The following MELTF variants were observed in gnomAD, a reference collection of about 807,000 sequenced individuals.
The protein encoded by MELTF is melanotransferrin.
A neutral mutation model predicts 83.7 loss-of-function variants in MELTF; 67 were observed. The observed-to-expected ratio is 0.80, with a 90% CI of 0.66 to 0.98. MELTF has a LOEUF of 0.98. Ranked by LOEUF, MELTF falls within the 50% of genes least tolerant of loss-of-function variation. The pLI is 0.00. For synonymous variants in MELTF, 462 were observed against 447.6 expected, an observed-to-expected ratio of 1.03 and a Z score of -0.41; for missense variants, 1,002 against 1,035.6, an observed-to-expected ratio of 0.97 and a Z score of 0.44.
chr3:197,003,529 G>T lies in MELTF; in HGVS notation c.2138-78C>A. The T allele has an allele frequency of 1.7e-6, 1 of 582,500 alleles. No homozygotes were observed. The highest frequency in any genetic ancestry group is 2.4e-6 in the Non-Finnish European group (1 of 423,270). 36.1% of individuals were successfully genotyped at this position (582,500 alleles called of 1,614,324 possible). A position where few individuals can be genotyped will look rare whatever the true frequency, so the allele number is the denominator to read the frequency against. On this transcript the variant is annotated intron_variant, in intron 15 of 15. Coordinates refer to ENST00000296350, the MANE Select transcript of MELTF (RefSeq NM_005929.6). This position sits in a 1 kb window ranked among gnomAD's most constrained non-coding sequence, Gnocchi z 6.2. Reference sequence around the variant, plus strand: ...CTCAGGCGCCCGCTCTGGGGTGGGGGTGGGGGCATCTTTCGGGACCGAACT... The same window carrying T: ...CTCAGGCGCCCGCTCTGGGGTGGGGTTGGGGGCATCTTTCGGGACCGAACT...
chr3:197,003,294 T>A lies in MELTF; in HGVS notation c.*78A>T. 1 of 1,036,250 alleles carries A rather than the reference T, an allele frequency of 9.7e-7. No individual in the cohort carries two copies. Among genetic ancestry groups the A allele is most frequent in the South Asian group, 4.5e-5 (1 of 22,300 alleles). The allele number at this position is 1,036,250 out of a possible 1,614,324, so 64.2% of individuals were successfully genotyped here. Reference sequence around the variant, plus strand: ...ACGCCGGGCCCGGCCTTCGCGAGCTTCCTTCTGGATTCCAGCGCGAAGCCG... The same window carrying A: ...ACGCCGGGCCCGGCCTTCGCGAGCTACCTTCTGGATTCCAGCGCGAAGCCG... On this transcript the variant is annotated 3_prime_UTR_variant, in exon 16 of 16. Coordinates refer to ENST00000296350, the MANE Select transcript of MELTF (RefSeq NM_005929.6). This position sits in a 1 kb window ranked among gnomAD's most constrained non-coding sequence, Gnocchi z 6.2.
chr3:197,013,100 C>G (rs571569669), intron 9 of MELTF, among the ~76,000 whole-genome samples: 2 of 152,264 alleles, frequency 1.3e-5, no homozygotes, highest in African/African-American at 4.8e-5. Flanking sequence ...TTGTATGGAA[C>G]CACAAGGGAC....
At chr3:197,010,821 G>T in intron 9 of MELTF, 27 bp from the exon 10 acceptor site, 1 of 1,605,358 alleles carries the variant, frequency 6.2e-7, no homozygotes, top group Non-Finnish European at 8.5e-7. Context: ...AAGCCACTGG[G>T]CCGGGGTGGG....
At position 197,006,439 on chromosome 3, in the gene MELTF, G is replaced by T. The variant is rs953177296; in HGVS notation, c.1938+110C>A. On this transcript the variant is annotated intron_variant, in intron 14 of 15. Transcript: ENST00000296350. The surrounding 1 kb of genome is among the most constrained non-coding windows in gnomAD (Gnocchi z 5.4). ...AAGTGAAAATCACAGAATTTCCCCC[G>T]GGCTTCCTCAATTTCTCTAGAGGTC... The T allele has an allele frequency of 1.1e-6, 1 of 935,494 alleles. No individual in the cohort carries two copies. Among genetic ancestry groups the T allele is most frequent in the Non-Finnish European group, 1.5e-6 (1 of 655,888 alleles). The allele number at this position is 935,494 out of a possible 1,614,324, so 57.9% of individuals were successfully genotyped here.
chr3:197,023,176 A>ACCCTGG, intron 4 of MELTF, 63 bp from the exon 5 acceptor site: 1 of 1,523,128 alleles, frequency 6.6e-7, no homozygotes, highest in Non-Finnish European at 9.1e-7. Context: ...CCAAGCCCCC[A>ACCCTGG]GGGTCAGCAG....
Position 197,009,802 on chromosome 3 carries a change from G to A in MELTF, c.1341C>T (p.Ser447=). ...CGGCCACCACGTAGTACGAGTTGCT[G>A]CTGTCTTCCGCTGGGGAGAGAGGGA... ...AAGEHYAPED[S]SNSYYVVAVV... Residue 447 remains serine (S), a synonymous_variant, in exon 11 of 16, where the codon AGC becomes AGT. Transcript: ENST00000296350. 1 of 1,609,616 alleles carries A rather than the reference G, an allele frequency of 6.2e-7. No homozygotes were observed. Among genetic ancestry groups the A allele is most frequent in the Non-Finnish European group, 8.5e-7 (1 of 1,176,932 alleles).
At chr3:197,019,794 T>C in intron 6 of MELTF, 2 of 1,574,118 alleles carry the variant, frequency 1.3e-6, no homozygotes, top group Non-Finnish European at 1.7e-6. Context: ...GCCTTCGTGA[T>C]GGACTTTCTG....
chr3:197,023,124 G>A lies in MELTF; in HGVS notation c.488-11C>T, dbSNP rs1719697574. ...AATAGTCGCTGACAGCTGTGGGAAG[G>A]AGGTAGAGAGGTCACTCAGCAGAAC... On this transcript the variant is annotated splice_polypyrimidine_tract_variant and intron_variant, in intron 4 of 15. Transcript: ENST00000296350. 4 of 1,613,132 alleles carry A rather than the reference G, an allele frequency of 2.5e-6. No homozygotes were observed. Among genetic ancestry groups the A allele is most frequent in the Non-Finnish European group, 3.4e-6 (4 of 1,179,914 alleles).
chr3:197,003,433 G>A lies in MELTF; in HGVS notation c.2156C>T (p.Ala719Val), dbSNP rs1718835510. The A allele has an allele frequency of 9.1e-7, 1 of 1,102,636 alleles. No homozygotes were observed. Among genetic ancestry groups the A allele is most frequent in the Non-Finnish European group, 1.1e-6 (1 of 908,008 alleles). 68.3% of individuals were successfully genotyped at this position (1,102,636 alleles called of 1,614,324 possible). ...CSGAAAPAPG[A>V]PLLPLLLPAL... ...GGGCAGCAGCAGCGGGAGCAGGGGC[G>A]CCCCGGGCGCCGGGGCCGCTGGGGA... The change falls in exon 16 of 16, where the codon GCG becomes GTG. Residue 719 changes from alanine (A) to valine (V), a missense_variant. Transcript: ENST00000296350. The surrounding 1 kb of genome is among the most constrained non-coding windows in gnomAD (Gnocchi z 6.2).
intron 9 of MELTF, among the ~76,000 whole-genome samples, chr3:197,014,698 T>G (rs558272296): frequency 3.9e-5 from 6 of 152,108 alleles, no homozygotes; most frequent in East Asian, 1.9e-4. Flanking sequence ...CCAGGAGAGA[T>G]AGGAGGAATA....
Position 197,022,994 on chromosome 3 carries a change from G to A in MELTF, c.607C>T (p.Pro203Ser), listed in dbSNP as rs758020658. 1.2e-6 allele frequency: 2 copies of A among 1,613,416 alleles called. No individual in the cohort carries two copies. Among genetic ancestry groups the A allele is most frequent in the South Asian group, 1.1e-5 (1 of 91,060 alleles). Reference sequence around the variant, plus strand: ...CTGTAGTCGTAGTATCTCTCCAGGGGGCTCTTGTCACACACCCCTTCCCCA... The same window carrying A: ...CTGTAGTCGTAGTATCTCTCCAGGGAGCTCTTGTCACACACCCCTTCCCCA... ...SSGEGVCDKSPLERYYDYSGA... is the reference protein window; with the variant it reads ...SSGEGVCDKSSLERYYDYSGA... Residue 203 changes from proline (P) to serine (S), a missense_variant, in exon 5 of 16, where the codon CCC becomes TCC. Pro to Ser is a moderately conservative substitution (Grantham distance 74). Coordinates refer to ENST00000296350, the MANE Select transcript of MELTF (RefSeq NM_005929.6). The surrounding 1 kb of genome is among the most constrained non-coding windows in gnomAD (Gnocchi z 5.1).
rs972583388 is a variant in MELTF at position 197,024,960 on chromosome 3, G to A, written c.305-475C>T. 6.6e-6 allele frequency among the ~76,000 whole-genome samples: 1 copy of A among 152,192 alleles called. No homozygotes were observed. Among genetic ancestry groups the A allele is most frequent in the African/African-American group, 2.4e-5 (1 of 41,452 alleles). On this transcript the variant is annotated intron_variant, in intron 3 of 15. Coordinates refer to ENST00000296350, the MANE Select transcript of MELTF (RefSeq NM_005929.6). This position sits in a 1 kb window ranked among gnomAD's most constrained non-coding sequence, Gnocchi z 5.3. ...GGGGCTTCCCCAGATGAGGAGCGGCGATTTCCTGGTGCTGAGGGGGTTGAA... is the reference window on the plus strand; with the variant it reads ...GGGGCTTCCCCAGATGAGGAGCGGCAATTTCCTGGTGCTGAGGGGGTTGAA...
chr3:197,006,826 C>T lies in MELTF; in HGVS notation c.1751-90G>A. The T allele has an allele frequency of 8.0e-7, 1 of 1,250,472 alleles. No individual in the cohort carries two copies. Among genetic ancestry groups the T allele is most frequent in the Non-Finnish European group, 1.1e-6 (1 of 946,482 alleles). 77.5% of individuals were successfully genotyped at this position (1,250,472 alleles called of 1,614,324 possible). ...TGCTATCCTGGGACCCCAAGGCCTT[C>T]ACCACAGGGAGGTGGCAACATCTGG... is the stretch of plus-strand genomic sequence containing the variant. On this transcript the variant is annotated intron_variant, in intron 13 of 15. Coordinates refer to ENST00000296350, the MANE Select transcript of MELTF (RefSeq NM_005929.6). This position sits in a 1 kb window ranked among gnomAD's most constrained non-coding sequence, Gnocchi z 5.4.
At position 197,029,734 on chromosome 3, in the gene MELTF, G is replaced by T; in HGVS notation, c.-32C>A. On this transcript the variant is annotated 5_prime_UTR_variant, in exon 1 of 16. Transcript: ENST00000296350. This position sits in a 1 kb window ranked among gnomAD's most constrained non-coding sequence, Gnocchi z 6.5. ...GTCGGGGCTGGCTGGGGCCGGGCTG[G>T]GGCTGGGTCCGGGTCCGAGGAGGTC... 8.1e-7 allele frequency: 1 copy of T among 1,229,484 alleles called. No individual in the cohort carries two copies. The highest frequency in any genetic ancestry group is 4.1e-5 in the South Asian group (1 of 24,612). The allele number at this position is 1,229,484 out of a possible 1,614,324, so 76.2% of individuals were successfully genotyped here. A position where few individuals can be genotyped will look rare whatever the true frequency, so the allele number is the denominator to read the frequency against.
At chr3:197,021,515 C>T in intron 5 of MELTF, 44 bp from the exon 6 acceptor site, 2 of 1,584,632 alleles carry the variant, frequency 1.3e-6, no homozygotes, top group East Asian at 4.5e-5. Flanking sequence ...GAGCCCCTGC[C>T]CCTGCCCATC....
rs1318677626 is a variant in MELTF at position 197,015,461 on chromosome 3, A to G, written c.1137T>C (p.Cys379=). 2 of 1,610,378 alleles carry G rather than the reference A, an allele frequency of 1.2e-6. No individual in the cohort carries two copies. ...CVLSTPEIQK[C]GDMAVAFRRQ... ...GGCGGAAGGCCACGGCCATGTCTCC[A>G]CACTTCTGGATCTCGGGAGTGGAGA... The change falls in exon 9 of 16, where the codon TGT becomes TGC. Residue 379 remains cysteine, a synonymous_variant. Transcript: ENST00000296350.
rs977506351 is a variant in MELTF at position 197,011,561 on chromosome 3, A to G, written c.1234-767T>C. On this transcript the variant is annotated intron_variant, in intron 9 of 15. Transcript: ENST00000296350. The surrounding 1 kb of genome is among the most constrained non-coding windows in gnomAD (Gnocchi z 4.2). Reference sequence around the variant, plus strand: ...TGTCCCACGCCATTCCTGAAGAGGCATGAAGTGATGGCGGTTAATAACAGG... The same window carrying G: ...TGTCCCACGCCATTCCTGAAGAGGCGTGAAGTGATGGCGGTTAATAACAGG... Among the ~76,000 whole-genome samples, 5 of 152,220 alleles carry G rather than the reference A, an allele frequency of 3.3e-5. No homozygotes were observed. Among genetic ancestry groups the G allele is most frequent in the Non-Finnish European group, 7.4e-5 (5 of 68,024 alleles).
At chr3:197,015,628 A>G in intron 8 of MELTF, 112 bp from the exon 9 acceptor site, 2 of 1,232,522 alleles carry the variant, frequency 1.6e-6, no homozygotes, top group Non-Finnish European at 2.2e-6. Flanking sequence ...TGTGGCTGGG[A>G]TAAGTTATTT....
At position 197,024,399 on chromosome 3, in the gene MELTF, G is replaced by A. The variant is rs1719765314; in HGVS notation, c.391C>T (p.His131Tyr). 2 of 1,610,970 alleles carry A rather than the reference G, an allele frequency of 1.2e-6. No individual in the cohort carries two copies. Among genetic ancestry groups the A allele is most frequent in the African/African-American group, 2.7e-5 (2 of 74,890 alleles). Residue 131 changes from histidine to tyrosine, a missense_variant, in exon 4 of 16, where the codon CAC (histidine) becomes TAC (tyrosine). By Grantham distance (83) the His-to-Tyr change is moderately conservative. Coordinates refer to ENST00000296350, the MANE Select transcript of MELTF (RefSeq NM_005929.6). The surrounding 1 kb of genome is among the most constrained non-coding windows in gnomAD (Gnocchi z 5.3). The stretch of plus-strand genomic sequence containing the variant: ...CCCACTGTGCGATTGATGCCCGTGT[G>A]GCAGGACTTCACGCCTTTCAGGGTG... ...IDTLKGVKSC[H>Y]TGINRTVGWN...
Sources: allele counts gnomAD v4.1 joint callset (sites outside exome capture counted in the v4.1 genomes callset), GRCh38; gene constraint gnomAD v4.1.1; non-coding constraint Gnocchi (gnomAD v3.1); transcripts MANE v1.5; gene names NCBI Gene and HGNC (gene_info 2026-07-23, HGNC 2026-07-21).